RAD51B: variants seen among roughly 807,000 people sequenced by gnomAD.
RAD51B encodes RAD51 paralog B.
RAD51B carries 38 observed loss-of-function variants against 42.2 expected under a neutral mutation model. The ratio of observed to expected loss-of-function variants is 0.90; its 90% CI spans 0.70 to 1.18. RAD51B has a LOEUF of 1.18. Among genes scored for constraint, RAD51B ranks in the 50% most tolerant of loss-of-function variants. The pLI is 0.00. For missense variants in RAD51B, 373 were observed against 400.7 expected (o/e 0.93, Z 0.59); for synonymous variants, 154 against 145.2 (o/e 1.06, Z -0.43).
chr14:67,826,686 C>CTT (rs34773405), intron 3 of RAD51B, among the ~76,000 whole-genome samples: 2 of 142,454 alleles, frequency 1.4e-5, no homozygotes, highest in African/African-American at 2.6e-5. Flanking sequence ...TATTTTCTTT[C>CTT]TTTTTTTTTT....
intron 8 of RAD51B, among the ~76,000 whole-genome samples, chr14:68,383,468 T>C (rs2083524243): frequency 6.6e-6 from 1 of 152,180 alleles, no homozygotes; most frequent in Non-Finnish European, 1.5e-5. Flanking sequence ...ATGTGGTATA[T>C]AACACAGATG....
At chr14:68,225,447 T>C (rs368030900) in intron 7 of RAD51B, among the ~76,000 whole-genome samples, 4 of 152,350 alleles carry the variant, frequency 2.6e-5, no homozygotes, top group Non-Finnish European at 5.9e-5. Flanking sequence ...AATAACCTTC[T>C]TTCAGTCTAA....
At chr14:67,994,633 T>TC (rs2075351941) in intron 7 of RAD51B, among the ~76,000 whole-genome samples, 1 of 152,208 alleles carries the variant, frequency 6.6e-6, no homozygotes, top group Non-Finnish European at 1.5e-5. Flanking sequence ...CACTGATTGA[T>TC]CTTCAAATCT....
At chr14:68,364,898 C>T (rs1449550566) in intron 8 of RAD51B, among the ~76,000 whole-genome samples, 1 of 152,214 alleles carries the variant, frequency 6.6e-6, no homozygotes, top group Non-Finnish European at 1.5e-5. Flanking sequence ...TTTTCCCGCT[C>T]AAGCTCCCTG....
At chr14:68,647,371 G>C (rs918084112) in intron 10 of RAD51B, among the ~76,000 whole-genome samples, 1 of 152,084 alleles carries the variant, frequency 6.6e-6, no homozygotes, top group African/African-American at 2.4e-5. Flanking sequence ...CTCCCATTTT[G>C]TGCCATTAAG....
At chr14:67,847,323 G>GTTTT (rs372642279) in intron 4 of RAD51B, among the ~76,000 whole-genome samples, 1 of 93,910 alleles carries the variant, frequency 1.1e-5, no homozygotes, top group Non-Finnish European at 2.1e-5. Context: ...GGGTTGGTTT[G>GTTTT]TTCTTTTTTT....
intron 7 of RAD51B, chr14:68,125,201 C>CA (rs1215406386): frequency 7.9e-5 from 12 of 152,252 alleles, no homozygotes; most frequent in Admixed American, 7.2e-4. Flanking sequence ...CAAAACAAAA[C>CA]AATTACTGAA....
intron 7 of RAD51B, among the ~76,000 whole-genome samples, chr14:67,926,962 T>A (rs932845908): frequency 3.3e-5 from 5 of 152,246 alleles, no homozygotes; most frequent in African/African-American, 1.2e-4. Context: ...GTATGGATTG[T>A]GAAAACCTTC....
rs145435169 is a variant in RAD51B, at chr14:68,253,106, C to T, written c.757-38778C>T. On this transcript the variant is annotated intron_variant, in intron 7 of 10. Transcript: ENST00000471583. ...AAAAAAAAAAAAAAAGAATGTTCCT[C>T]ATTGTAAATTTGGTCAAATTCTCCA... Among the ~76,000 whole-genome samples the T allele has an allele frequency of 7.3e-3, 1,115 of 151,766 alleles. 3 individuals carry two copies. Among genetic ancestry groups the T allele is most frequent in the Non-Finnish European group, 0.011 (720 of 67,908 alleles).
chr14:68,444,933 C>G, intron 9 of RAD51B, among the ~76,000 whole-genome samples: 1 of 152,204 alleles, frequency 6.6e-6, no homozygotes. Flanking sequence ...TCTTGGCCCA[C>G]AGGCATATCC....
At chr14:67,984,792 C>A (rs552941116) in intron 7 of RAD51B, among the ~76,000 whole-genome samples, 4 of 152,298 alleles carry the variant, frequency 2.6e-5, no homozygotes, top group African/African-American at 4.8e-5. Context: ...GTACTCCACT[C>A]TGATGGACGA....
At chr14:68,084,850 T>TA (rs199797675) in intron 7 of RAD51B, among the ~76,000 whole-genome samples, 1,672 of 152,164 alleles carry the variant, frequency 0.011, 30 homozygotes, top group African/African-American at 0.038. Context: ...GGCAGTATGT[T>TA]AAAAAAAATC....
chr14:68,388,094 ATT>A (rs10676248), intron 8 of RAD51B, among the ~76,000 whole-genome samples: 4 of 118,924 alleles, frequency 3.4e-5, no homozygotes, highest in African/African-American at 6.8e-5. Context: ...ATATATATAT[ATT>A]TTTTTTTTTT....
At chr14:68,465,919 T>TGACA (rs2085963036) in intron 9 of RAD51B, among the ~76,000 whole-genome samples, 1 of 146,378 alleles carries the variant, frequency 6.8e-6, no homozygotes, top group Non-Finnish European at 1.5e-5. Flanking sequence ...CCAGCCTGGG[T>TGACA]GACAGAGCTA....
intron 8 of RAD51B, among the ~76,000 whole-genome samples, chr14:68,321,799 G>A (rs1595706065): frequency 6.6e-6 from 1 of 152,086 alleles, no homozygotes; most frequent in Non-Finnish European, 1.5e-5. Flanking sequence ...CATCCCTGCT[G>A]GAGTACAGTG....
chr14:68,527,952 T>C (rs1232978896), intron 10 of RAD51B, among the ~76,000 whole-genome samples: 2 of 152,246 alleles, frequency 1.3e-5, no homozygotes, highest in African/African-American at 4.8e-5. Flanking sequence ...ATTTTCCAAA[T>C]TTTCTTTAGT....
intron 10 of RAD51B, among the ~76,000 whole-genome samples, chr14:68,602,320 A>G (rs1891251174): frequency 6.6e-6 from 1 of 151,030 alleles, no homozygotes; most frequent in Non-Finnish European, 1.5e-5. Flanking sequence ...ATGTTCACAT[A>G]CCCCTCCCAG....
chr14:68,135,167 C>G (rs1247388744), intron 7 of RAD51B, among the ~76,000 whole-genome samples: 3 of 152,074 alleles, frequency 2.0e-5, no homozygotes, highest in African/African-American at 7.2e-5. Flanking sequence ...TATTCTAATA[C>G]CTGCTTTTCT....
At chr14:68,003,817 T>C (rs562203263) in intron 7 of RAD51B, among the ~76,000 whole-genome samples, 4 of 152,338 alleles carry the variant, frequency 2.6e-5, no homozygotes, top group African/African-American at 9.6e-5. Flanking sequence ...GAATTACATT[T>C]ATTGATTTGC....
Sources: allele counts gnomAD v4.1 joint callset (sites outside exome capture counted in the v4.1 genomes callset), GRCh38; gene constraint gnomAD v4.1.1; transcripts MANE v1.5; gene names NCBI Gene and HGNC (gene_info 2026-07-23, HGNC 2026-07-21).